IL1RAPL1: variants seen among roughly 807,000 people sequenced by gnomAD.
The protein encoded by IL1RAPL1 is interleukin 1 receptor accessory protein like 1.
IL1RAPL1 carries 3 observed loss-of-function variants against 48.4 expected under a neutral mutation model. The observed-to-expected ratio is 0.06, with a 90% CI of 0.03 to 0.16. The LOEUF (loss-of-function observed/expected upper bound fraction) is 0.16, where lower values mean the gene tolerates loss of function less well. IL1RAPL1 is among the 10% of genes least tolerant of loss of function. The pLI is 1.00. For missense variants in IL1RAPL1, 349 were observed against 530.6 expected (o/e 0.66, Z 3.36); for synonymous variants, 185 against 187.7 (o/e 0.99, Z 0.12).
intron 2 of IL1RAPL1, among the ~76,000 whole-genome samples, chrX:29,006,647 A>ATGTG (rs547186942): frequency 0.089 from 6,827 of 76,790 alleles, 313 homozygotes; most frequent in South Asian, 0.19. Flanking sequence ...GTTTATATAT[A>ATGTG]TGTGTGTGTG....
At chrX:29,551,550 C>T (rs758899503) in intron 5 of IL1RAPL1, among the ~76,000 whole-genome samples, 3 of 111,353 alleles carry the variant, frequency 2.7e-5, no homozygotes, top group Admixed American at 9.5e-5. Context: ...CTTATTTCTG[C>T]AGTTTCAAAT....
At chrX:29,443,528 T>G (rs1335850399) in intron 5 of IL1RAPL1, among the ~76,000 whole-genome samples, 3 of 111,390 alleles carry the variant, frequency 2.7e-5, no homozygotes, top group Non-Finnish European at 5.7e-5. Context: ...TCACTGGTTT[T>G]GGGAGGGCAG....
In IL1RAPL1 at chrX:29,955,103, A is replaced by G. The variant is rs1243583345; in HGVS notation, c.1374A>G (p.Thr458=). ...GATGCACTCTTTTATCTTTTGTAGC[A>G]TACATTGAAGATGTGGCAAGATGTG... ...IPDRDLIPTG[T]YIEDVARCVD... Residue 458 remains threonine (T), a splice_region_variant and synonymous_variant, in exon 11 of 11, where the codon ACA becomes ACG. Coordinates refer to ENST00000378993, the MANE Select transcript of IL1RAPL1 (RefSeq NM_014271.4). 2.5e-6 allele frequency: 3 copies of G among 1,202,400 alleles called. No individual in the cohort carries two copies. The Admixed American group carries it at 6.6e-5, about 26-fold the overall frequency.
At chrX:28,772,280 A>G (rs1388429360) in intron 1 of IL1RAPL1, among the ~76,000 whole-genome samples, 1 of 111,765 alleles carries the variant, frequency 8.9e-6, no homozygotes, top group Non-Finnish European at 1.9e-5. Flanking sequence ...ATAGTTGATC[A>G]CATGGTTCTC....
intron 2 of IL1RAPL1, among the ~76,000 whole-genome samples, chrX:28,819,294 T>A (rs1399993592): frequency 9.0e-6 from 1 of 111,685 alleles, no homozygotes; most frequent in Non-Finnish European, 1.9e-5. Flanking sequence ...TCAAAATGTT[T>A]GTTATATATG....
intron 2 of IL1RAPL1, among the ~76,000 whole-genome samples, chrX:29,255,877 T>A (rs1931749225): frequency 8.9e-6 from 1 of 111,759 alleles, no homozygotes. Flanking sequence ...GCACCTGGGT[T>A]GATTCCATAT....
At chrX:28,795,551 G>A (rs956533791) in intron 2 of IL1RAPL1, among the ~76,000 whole-genome samples, 1 of 111,219 alleles carries the variant, frequency 9.0e-6, no homozygotes, top group Non-Finnish European at 1.9e-5. Context: ...AGACTTCAAT[G>A]AGGAGGAGAA....
At chrX:29,877,846 C>A (rs1931940778) in intron 6 of IL1RAPL1, among the ~76,000 whole-genome samples, 1 of 111,472 alleles carries the variant, frequency 9.0e-6, no homozygotes, top group African/African-American at 3.3e-5. Flanking sequence ...TGGTTTAAGG[C>A]TTAGACCAAA....
chrX:29,727,257 G>T (rs888213769), intron 6 of IL1RAPL1, among the ~76,000 whole-genome samples: 1 of 112,055 alleles, frequency 8.9e-6, no homozygotes, highest in Non-Finnish European at 1.9e-5. Context: ...AGCAATGCTT[G>T]CCTGACTTTC....
At chrX:29,695,693 TC>T (rs1926893480) in intron 6 of IL1RAPL1, among the ~76,000 whole-genome samples, 1 of 110,702 alleles carries the variant, frequency 9.0e-6, no homozygotes, top group African/African-American at 3.3e-5. Context: ...GAAAGATTCA[TC>T]CTTACGTCAT....
chrX:29,722,079 A>C, intron 6 of IL1RAPL1, among the ~76,000 whole-genome samples: 1 of 111,178 alleles, frequency 9.0e-6, no homozygotes, highest in South Asian at 3.8e-4. Context: ...TATTGTATTT[A>C]TTTAAGGTAT....
intron 3 of IL1RAPL1, among the ~76,000 whole-genome samples, chrX:29,330,401 G>C (rs1008272484): frequency 2.7e-5 from 3 of 111,687 alleles, no homozygotes; most frequent in African/African-American, 9.8e-5. Flanking sequence ...GGCTACTGCA[G>C]ACAGGAGTAT....
At chrX:29,216,894 C>T (rs749842137) in intron 2 of IL1RAPL1, among the ~76,000 whole-genome samples, 71 of 111,830 alleles carry the variant, frequency 6.3e-4, no homozygotes, top group African/African-American at 2.0e-3. Flanking sequence ...ACACAAGAGG[C>T]CAAAACGGTG....
intron 6 of IL1RAPL1, among the ~76,000 whole-genome samples, chrX:29,898,983 A>G (rs1229661585): frequency 8.9e-6 from 1 of 111,848 alleles, no homozygotes; most frequent in Non-Finnish European, 1.9e-5. Context: ...AATCTCTTTT[A>G]TTGAACGAAT....
chrX:29,407,026 TA>T (rs1375316391), intron 5 of IL1RAPL1, among the ~76,000 whole-genome samples: 1 of 112,240 alleles, frequency 8.9e-6, no homozygotes, highest in Non-Finnish European at 1.9e-5. Flanking sequence ...CACCTCTCTT[TA>T]GTGAGAGATT....
At chrX:29,613,656 C>G (rs1360657396) in intron 5 of IL1RAPL1, among the ~76,000 whole-genome samples, 2 of 104,668 alleles carry the variant, frequency 1.9e-5, no homozygotes, top group Non-Finnish European at 3.9e-5. Context: ...GGATAACGTG[C>G]TTGGGTCAGC....
chrX:29,037,516 C>G (rs759472279), intron 2 of IL1RAPL1, among the ~76,000 whole-genome samples: 5 of 111,559 alleles, frequency 4.5e-5, no homozygotes, highest in Non-Finnish European at 7.5e-5. Context: ...TCTATTTTAA[C>G]AATCAATGTA....
At chrX:29,793,008 T>C (rs1173720878) in intron 6 of IL1RAPL1, among the ~76,000 whole-genome samples, 3 of 112,184 alleles carry the variant, frequency 2.7e-5, no homozygotes, top group African/African-American at 9.7e-5. Flanking sequence ...CATCATGTTA[T>C]AAACAATTAA....
At chrX:29,133,806 T>C (rs1156888471) in intron 2 of IL1RAPL1, among the ~76,000 whole-genome samples, 1 of 111,882 alleles carries the variant, frequency 8.9e-6, no homozygotes, top group Non-Finnish European at 1.9e-5. Context: ...AATAGTTTTA[T>C]TGCCTTAAAA....
Sources: allele counts gnomAD v4.1 joint callset (sites outside exome capture counted in the v4.1 genomes callset), GRCh38; gene constraint gnomAD v4.1.1; transcripts MANE v1.5; gene names NCBI Gene and HGNC (gene_info 2026-07-23, HGNC 2026-07-21).